The following DNAH17 variants were observed in gnomAD, a reference collection of about 807,000 sequenced individuals.
DNAH17 encodes axonemal beta dynein heavy chain 17.
In DNAH17, 376 loss-of-function variants were observed where a neutral mutation model predicts 485.6. The observed-to-expected ratio is 0.77, with a 90% confidence interval of 0.71 to 0.84. The LOEUF (loss-of-function observed/expected upper bound fraction) is 0.84, where lower values mean the gene tolerates loss of function less well. Among genes scored for constraint, DNAH17 ranks in the 40% least tolerant of loss-of-function variants. The pLI is 0.00. For missense variants in DNAH17, 6,370 were observed against 5,839.3 expected (o/e 1.09, Z -2.96); for synonymous variants, 3,031 against 2,405.9 (o/e 1.26, Z -7.60).
intron 74 of DNAH17, among the ~76,000 whole-genome samples, chr17:78,436,975 G>A (rs920494738): frequency 2.4e-4 from 36 of 152,188 alleles, no homozygotes; most frequent in African/African-American, 8.7e-4. Context: ...CCAGGCAGAT[G>A]CAGAAGTGGG....
Position 78,425,413 on chromosome 17 carries a change from C to G in DNAH17, c.13074G>C (p.Lys4358Asn). ...GAGCGGTCATGTCCTCTCGGTTTTTCTTGGTCACCTCGACAGACAGACACA... is the reference window on the plus strand; with the variant it reads ...GAGCGGTCATGTCCTCTCGGTTTTTGTTGGTCACCTCGACAGACAGACACA... ...DKMCLSVEVT[K>N]KNREDMTAPP... The change falls in exon 80 of 81, where the codon AAG becomes AAC. Residue 4358 changes from lysine to asparagine, a missense_variant. Physicochemically the swap from Lys to Asn is moderately conservative, Grantham distance 94. Coordinates refer to ENST00000389840, the MANE Select transcript of DNAH17 (RefSeq NM_173628.4). The G allele has an allele frequency of 6.2e-7, 1 of 1,614,016 alleles. No individual in the cohort carries two copies. Among genetic ancestry groups the G allele is most frequent in the Non-Finnish European group, 8.5e-7 (1 of 1,179,896 alleles).
intron 19 of DNAH17, among the ~76,000 whole-genome samples, chr17:78,534,054 G>A (rs112426802): frequency 2.0e-5 from 3 of 152,186 alleles, no homozygotes; most frequent in South Asian, 2.1e-4. Context: ...CCTTTCCCAG[G>A]GCTAGGCAAT....
chr17:78,449,568 A>G lies in DNAH17; in HGVS notation c.11057T>C (p.Phe3686Ser). Residue 3686 changes from phenylalanine to serine, a missense_variant, in exon 69 of 81, where the codon TTT (phenylalanine) becomes TCT (serine). Phe to Ser is a radical substitution (Grantham distance 155). Transcript: ENST00000389840. ...QFSLKAFNVV[F>S]EKAIQRTTPA... ...GGTGGTCCTCTGGATGGCTTTCTCA[A>G]ACACCACGTTGAAGGCCTGGGGATC... The G allele has an allele frequency of 3.1e-6, 5 of 1,605,716 alleles. No individual in the cohort carries two copies. Among genetic ancestry groups the G allele is most frequent in the Non-Finnish European group, 4.3e-6 (5 of 1,175,956 alleles).
chr17:78,459,802 G>GC lies in DNAH17; in HGVS notation c.9634dup (p.Ala3212GlyfsTer58), dbSNP rs1486498533. 1 of 1,613,922 alleles carries GC rather than the reference G, an allele frequency of 6.2e-7. No individual in the cohort carries two copies. The highest frequency in any genetic ancestry group is 8.5e-7 in the Non-Finnish European group (1 of 1,179,896). On this transcript the variant is annotated frameshift_variant, in exon 60 of 81. Transcript: ENST00000389840. LOFTEE classifies it high-confidence loss of function. ...GACTCACTTGAAGGCCTTCAGGCAG[G>GC]CCTCAGGGATGTGCTCCTTGTCGAA...
At chr17:78,484,749 C>CCGCCCCCAT in intron 48 of DNAH17, 119 bp downstream of exon 48, 1 of 467,226 alleles carries the variant, frequency 2.1e-6, no homozygotes, top group East Asian at 5.5e-5. Flanking sequence ...ACCCCCCCCA[C>CCGCCCCCAT]CGCCCCACAC....
rs564273218 is a variant in DNAH17, at chr17:78,553,093, T to TC, written c.2179-289dup. 7.4e-4 allele frequency among the ~76,000 whole-genome samples: 113 copies of TC among 152,088 alleles called. 1 individual carries two copies. Among genetic ancestry groups the TC allele is most frequent in the Middle Eastern group, 3.4e-3 (1 of 294 alleles). On this transcript the variant is annotated intron_variant, in intron 14 of 80. Transcript: ENST00000389840. ...CTCCTTTTTAAACAGGTGTAGCACC[T>TC]CCCCCACTTCTCTCTCGATCCTGGC...
intron 46 of DNAH17, 70 bp from the exon 47 acceptor site, chr17:78,485,827 C>A: frequency 6.3e-7 from 1 of 1,577,614 alleles, no homozygotes; most frequent in South Asian, 1.2e-5. Context: ...GGTGTGCAGG[C>A]CATGTTCTAC....
In DNAH17 at chr17:78,430,951, G is replaced by T. The variant is rs139177529; in HGVS notation, c.12226-1651C>A. On this transcript the variant is annotated intron_variant, in intron 75 of 80. Transcript: ENST00000389840. The stretch of plus-strand genomic sequence containing the variant: ...GCTGGAGTGCAGTGGTACAAACATG[G>T]CTCACTGCAGCCTTGATCTCCTGGG... Among the ~76,000 whole-genome samples the T allele has an allele frequency of 2.3e-3, 345 of 152,108 alleles. 1 individual carries two copies. Among genetic ancestry groups the T allele is most frequent in the African/African-American group, 8.1e-3 (336 of 41,466 alleles).
Position 78,443,226 on chromosome 17 carries a change from G to T in DNAH17, c.11528+1378C>A, listed in dbSNP as rs143373774. On this transcript the variant is annotated intron_variant, in intron 71 of 80. Transcript: ENST00000389840. ...CACCTCACCTCATCCTCTAGACGAG[G>T]AATCGGATGCACACTGGGTCTTGTG... Among the ~76,000 whole-genome samples the T allele has an allele frequency of 7.2e-5, 11 of 152,310 alleles. 1 individual carries two copies. The East Asian group carries it at 2.1e-3, about 29-fold the overall frequency.
chr17:78,472,256 G>A (rs1409414609), intron 54 of DNAH17, among the ~76,000 whole-genome samples: 2 of 145,366 alleles, frequency 1.4e-5, no homozygotes, highest in African/African-American at 5.5e-5. Context: ...GGGTGCGAGG[G>A]TTAGGGTTAG....
intron 48 of DNAH17, 149 bp from the exon 49 acceptor site, chr17:78,480,935 A>C: frequency 1.6e-6 from 1 of 623,844 alleles, no homozygotes. Context: ...CAGTGGCACA[A>C]TCTCGGCTCA....
rs1555650496 is a variant in DNAH17 at position 78,432,908 on chromosome 17, C to CA, written c.12225+1120_12225+1121insT. Among the ~76,000 whole-genome samples the CA allele has an allele frequency of 6.6e-5, 8 of 121,660 alleles. 1 individual carries two copies. Among genetic ancestry groups the CA allele is most frequent in the African/African-American group, 9.8e-5 (3 of 30,470 alleles). 79.8% of individuals were successfully genotyped at this position (121,660 alleles called of 152,430 possible). On this transcript the variant is annotated intron_variant, in intron 75 of 80. Coordinates refer to ENST00000389840, the MANE Select transcript of DNAH17 (RefSeq NM_173628.4). Reference sequence around the variant, plus strand: ...CAGAGCAGGCTTCAAACGTGCCCCCCCCCCCCGACCCCGGTGCCAGCACCG... The same window carrying CA: ...CAGAGCAGGCTTCAAACGTGCCCCCCACCCCCCGACCCCGGTGCCAGCACCG...
At chr17:78,544,779 G>T (rs899037577) in intron 16 of DNAH17, among the ~76,000 whole-genome samples, 1 of 98,556 alleles carries the variant, frequency 1.0e-5, no homozygotes, top group East Asian at 3.8e-4. Context: ...CCAGCCTGGG[G>T]CACAGAGCGA....
At chr17:78,503,473 C>T (rs112126636) in intron 31 of DNAH17, among the ~76,000 whole-genome samples, 4,560 of 151,784 alleles carry the variant, frequency 0.03, 222 homozygotes, top group African/African-American at 0.1. Flanking sequence ...GCATGAGCCA[C>T]CACGCTCGGC....
chr17:78,532,779 C>T (rs751325120), intron 19 of DNAH17, 43 bp from the exon 20 acceptor site: 4 of 1,532,700 alleles, frequency 2.6e-6, no homozygotes, highest in Admixed American at 3.9e-5. Flanking sequence ...GGTATGTTGC[C>T]TGGTTCATAA....
At chr17:78,490,604 C>T in intron 44 of DNAH17, 95 bp downstream of exon 44, 1 of 1,479,214 alleles carries the variant, frequency 6.8e-7, no homozygotes, top group Non-Finnish European at 9.1e-7. Context: ...CAGTTTGTGA[C>T]ATGAATGATG....
intron 54 of DNAH17, among the ~76,000 whole-genome samples, chr17:78,474,661 C>T (rs2146591508): frequency 6.8e-6 from 1 of 147,738 alleles, no homozygotes; most frequent in East Asian, 2.0e-4. Flanking sequence ...GAGTAGTTGA[C>T]AGACACACTC....
chr17:78,444,575 CGGG>C, intron 71 of DNAH17, 26 bp downstream of exon 71: 1 of 1,526,104 alleles, frequency 6.6e-7, no homozygotes, highest in Non-Finnish European at 8.8e-7. Flanking sequence ...GCCTCGGGGG[CGGG>C]GCCCCCGGCG....
intron 20 of DNAH17, among the ~76,000 whole-genome samples, chr17:78,531,704 T>G (rs1191123329): frequency 6.6e-6 from 1 of 152,254 alleles, no homozygotes; most frequent in Non-Finnish European, 1.5e-5. Context: ...TCTGTTTGTG[T>G]GGAATCTCTT....
Sources: gnomAD v4.1 joint callset for allele counts (sites outside exome capture counted in the v4.1 genomes callset) on GRCh38, gnomAD v4.1.1 for gene constraint, MANE v1.5 for transcripts, NCBI Gene and HGNC (gene_info 2026-07-23, HGNC 2026-07-21) for gene names.